The following NAALADL2 variants were observed in gnomAD, a reference collection of about 807,000 sequenced individuals.
NAALADL2 encodes inactive N-acetylated-alpha-linked acidic dipeptidase-like protein 2.
Under a neutral mutation model 87.2 loss-of-function variants are expected in NAALADL2, and 76 were observed. The ratio of observed to expected loss-of-function variants is 0.87; its 90% confidence interval spans 0.72 to 1.05. The LOEUF is 1.05. NAALADL2 is among the 50% of genes least tolerant of loss of function. The pLI is 0.00. For synonymous variants in NAALADL2, 354 were observed against 331.0 expected, an observed-to-expected ratio of 1.07 and a Z score of -0.75; for missense variants, 1,089 against 945.8, an observed-to-expected ratio of 1.15 and a Z score of -1.99.
At chr3:175,214,320 T>G (rs1742193524) in intron 2 of NAALADL2, among the ~76,000 whole-genome samples, 2 of 152,180 alleles carry the variant, frequency 1.3e-5, no homozygotes, top group African/African-American at 2.4e-5. Flanking sequence ...AGCTGAAAAT[T>G]CTGCTGTATT....
At chr3:174,556,264 T>G (rs1712805820) in intron 2 of NAALADL2, among the ~76,000 whole-genome samples, 2 of 151,966 alleles carry the variant, frequency 1.3e-5, no homozygotes, top group Admixed American at 1.3e-4. Flanking sequence ...CCTAAATGAG[T>G]TTACTATCTA....
intron 5 of NAALADL2, among the ~76,000 whole-genome samples, chr3:175,398,016 T>C (rs964409683): frequency 6.6e-6 from 1 of 152,098 alleles, no homozygotes; most frequent in African/African-American, 2.4e-5. Flanking sequence ...TTCTTTAAGG[T>C]ATTGTGCCCC....
At chr3:175,584,721 A>ATTGT (rs887310917) in intron 10 of NAALADL2, among the ~76,000 whole-genome samples, 1 of 152,234 alleles carries the variant, frequency 6.6e-6, no homozygotes, top group African/African-American at 2.4e-5. Context: ...TACTAGAGAC[A>ATTGT]ATTATAATAC....
At chr3:174,955,383 T>C (rs1741006787) in intron 1 of NAALADL2, among the ~76,000 whole-genome samples, 1 of 152,154 alleles carries the variant, frequency 6.6e-6, no homozygotes, top group Non-Finnish European at 1.5e-5. Context: ...ATCTCAGTGT[T>C]TTAAAACAAC....
chr3:175,437,895 CTGT>C (rs758065685), intron 5 of NAALADL2, among the ~76,000 whole-genome samples: 12 of 151,948 alleles, frequency 7.9e-5, no homozygotes, highest in Non-Finnish European at 1.5e-4. Context: ...ATAAATATAA[CTGT>C]TGTTATGACA....
chr3:174,759,959 A>G (rs1360415422), intron 3 of NAALADL2, among the ~76,000 whole-genome samples: 1 of 152,116 alleles, frequency 6.6e-6, no homozygotes, highest in Non-Finnish European at 1.5e-5. Flanking sequence ...TCTGCCTCCC[A>G]AAGTGCTGGG....
intron 6 of NAALADL2, among the ~76,000 whole-genome samples, chr3:175,457,909 C>T (rs1417677970): frequency 6.6e-6 from 1 of 151,840 alleles, no homozygotes; most frequent in Non-Finnish European, 1.5e-5. Flanking sequence ...TTTTAATTTA[C>T]ACATGCCAGT....
intron 1 of NAALADL2, among the ~76,000 whole-genome samples, chr3:174,965,695 C>T (rs114665585): frequency 0.019 from 2,855 of 151,952 alleles, 81 homozygotes; most frequent in African/African-American, 0.064. Flanking sequence ...AGGCTTGGTA[C>T]GGGAAAGGAT....
intron 3 of NAALADL2, among the ~76,000 whole-genome samples, chr3:174,763,521 A>G (rs1713328658): frequency 7.3e-6 from 1 of 137,736 alleles, no homozygotes; most frequent in Non-Finnish European, 1.5e-5. Flanking sequence ...CAGAAGGTAG[A>G]GGTTGCAGTG....
intron 13 of NAALADL2, among the ~76,000 whole-genome samples, chr3:175,765,760 T>C (rs1172293000): frequency 1.3e-5 from 2 of 152,112 alleles, no homozygotes; most frequent in Non-Finnish European, 2.9e-5. Flanking sequence ...ACAACAATAC[T>C]TTCCATAGAG....
intron 1 of NAALADL2, among the ~76,000 whole-genome samples, chr3:174,532,178 GGAAGGA>G: frequency 6.6e-6 from 1 of 152,238 alleles, no homozygotes; most frequent in African/African-American, 2.4e-5. Flanking sequence ...AGTTTCTGGG[GGAAGGA>G]GAAGGGGAAG....
At chr3:174,782,851 A>G (rs1158013400) in intron 3 of NAALADL2, among the ~76,000 whole-genome samples, 2 of 152,134 alleles carry the variant, frequency 1.3e-5, no homozygotes, top group Non-Finnish European at 2.9e-5. Context: ...CCATGATTCA[A>G]TTACCTCTTA....
intron 2 of NAALADL2, among the ~76,000 whole-genome samples, chr3:174,563,827 A>C (rs1282853845): frequency 6.6e-6 from 1 of 152,116 alleles, no homozygotes; most frequent in East Asian, 1.9e-4. Flanking sequence ...AATACGGTCA[A>C]TATTCATTCA....
chr3:175,589,936 G>A (rs1406419546), intron 10 of NAALADL2, among the ~76,000 whole-genome samples: 1 of 152,110 alleles, frequency 6.6e-6, no homozygotes, highest in Non-Finnish European at 1.5e-5. Flanking sequence ...TTCTTGGCCG[G>A]GTGTGGTGGT....
rs575610465 is a variant in NAALADL2, at chr3:175,662,253, G to A, written c.1896+34867G>A. 3.3e-5 allele frequency among the ~76,000 whole-genome samples: 5 copies of A among 151,630 alleles called. No individual in the cohort carries two copies. In the East Asian group the frequency reaches 5.8e-4, roughly 18 times the overall value. On this transcript the variant is annotated intron_variant, in intron 11 of 13. Coordinates refer to ENST00000454872, the MANE Select transcript of NAALADL2 (RefSeq NM_207015.3). ...TAGATTTATTTTATTTATTTATAGCGATTGTAAATGGAATTACTTTCTTGA... is the reference window on the plus strand; with the variant it reads ...TAGATTTATTTTATTTATTTATAGCAATTGTAAATGGAATTACTTTCTTGA...
Position 174,664,041 on chromosome 3 carries a change from G to A in NAALADL2, c.-114-73600G>A, listed in dbSNP as rs189511483. On this transcript the variant is annotated intron_variant, in intron 2 of 3. Transcript: ENST00000434257. ...TGAACTCAGGTGACCCACCAGCCTC[G>A]GCCTCCCAATGTGTGGGGATTACAG... Among the ~76,000 whole-genome samples, 297 of 152,054 alleles carry A rather than the reference G, an allele frequency of 2.0e-3. 3 individuals carry two copies. The highest frequency in any genetic ancestry group is 6.8e-3 in the African/African-American group (281 of 41,512).
At chr3:174,724,682 T>A (rs1732023106) in intron 2 of NAALADL2, among the ~76,000 whole-genome samples, 1 of 147,992 alleles carries the variant, frequency 6.8e-6, no homozygotes, top group Non-Finnish European at 1.5e-5. Flanking sequence ...ACTTATTGAT[T>A]ATATTTTATT....
intron 4 of NAALADL2, among the ~76,000 whole-genome samples, chr3:175,279,787 AGT>A (rs34107349): frequency 0.063 from 7,874 of 125,376 alleles, 306 homozygotes; most frequent in African/African-American, 0.12. Flanking sequence ...ATAGTGTGTG[AGT>A]GTGTGTGTGT....
chr3:175,425,753 C>T (rs1050879783), intron 5 of NAALADL2, among the ~76,000 whole-genome samples: 4 of 151,958 alleles, frequency 2.6e-5, no homozygotes, highest in Non-Finnish European at 5.9e-5. Context: ...ATAATTTTAT[C>T]CTACATTGAA....
Sources: gnomAD v4.1 joint callset for allele counts (sites outside exome capture counted in the v4.1 genomes callset) on GRCh38, gnomAD v4.1.1 for gene constraint, MANE v1.5 for transcripts, NCBI Gene and HGNC (gene_info 2026-07-23, HGNC 2026-07-21) for gene names.